The following CHRNA7 variants were observed in gnomAD, a reference collection of about 807,000 sequenced individuals.
CHRNA7 encodes cholinergic receptor nicotinic alpha 7 subunit.
In CHRNA7, 17 loss-of-function variants were observed where a neutral mutation model predicts 48.0. The ratio of observed to expected loss-of-function variants is 0.35; its 90% confidence interval spans 0.24 to 0.53. CHRNA7 has a LOEUF of 0.53. Ranked by LOEUF, CHRNA7 falls within the 20% of genes least tolerant of loss-of-function variation. The pLI, the probability that CHRNA7 is intolerant of heterozygous loss-of-function variation, is 0.92. For synonymous variants in CHRNA7, 75 were observed against 242.3 expected (o/e 0.31, Z 6.41); for missense variants, 155 against 577.7 (o/e 0.27, Z 7.50).
chr15:32,032,384 T>G (rs1196724093), intron 2 of CHRNA7, among the ~76,000 whole-genome samples: 1 of 152,070 alleles, frequency 6.6e-6, no homozygotes, highest in Non-Finnish European at 1.5e-5. Flanking sequence ...CTGTGTTGGT[T>G]TCTGGATGGC....
chr15:32,069,043 A>G (rs2050012475), intron 2 of CHRNA7, among the ~76,000 whole-genome samples: 1 of 152,192 alleles, frequency 6.6e-6, no homozygotes, highest in African/African-American at 2.4e-5. Flanking sequence ...CTTGTGTATA[A>G]TTTTAAAACA....
intron 3 of CHRNA7, 134 bp from the exon 4 acceptor site, chr15:32,111,656 T>C (rs1257255049): frequency 8.5e-6 from 5 of 586,854 alleles, no homozygotes; most frequent in Non-Finnish European, 1.5e-5. Context: ...ATTTTCATTA[T>C]ATTTTATAAA....
rs556206602 is a variant in CHRNA7, at chr15:32,096,275, T to G, written c.196-5028T>G. ...TCGTCAATACCTGATACCTGATATT[T>G]ATTGATATCCTCTTGGTAAAGTACT... On this transcript the variant is annotated intron_variant, in intron 2 of 9. Coordinates refer to ENST00000306901, the MANE Select transcript of CHRNA7 (RefSeq NM_000746.6). 2.6e-5 allele frequency among the ~76,000 whole-genome samples: 4 copies of G among 152,354 alleles called. No homozygotes were observed. In the South Asian group the frequency reaches 8.3e-4, roughly 32 times the overall value.
chr15:32,044,445 T>C (rs932343023), intron 2 of CHRNA7, among the ~76,000 whole-genome samples: 25 of 152,032 alleles, frequency 1.6e-4, no homozygotes, highest in Non-Finnish European at 1.5e-5. Flanking sequence ...GCCTGGCTAA[T>C]TTTTGTATTT....
At chr15:32,111,662 A>T in intron 3 of CHRNA7, 128 bp from the exon 4 acceptor site, 1 of 594,936 alleles carries the variant, frequency 1.7e-6, no homozygotes, top group Non-Finnish European at 3.0e-6. Flanking sequence ...ATTATATTTT[A>T]TAAATAGCAA....
chr15:32,107,603 G>T (rs191393288), intron 3 of CHRNA7, among the ~76,000 whole-genome samples: 31 of 152,234 alleles, frequency 2.0e-4, no homozygotes, highest in Admixed American at 1.4e-3. Flanking sequence ...AGGTTTATTG[G>T]CTTATTCTAA....
chr15:32,084,458 A>G (rs1321349655), intron 2 of CHRNA7, among the ~76,000 whole-genome samples: 1 of 152,236 alleles, frequency 6.6e-6, no homozygotes, highest in Non-Finnish European at 1.5e-5. Flanking sequence ...GAGCACATAC[A>G]GTCTCAGAAC....
intron 2 of CHRNA7, among the ~76,000 whole-genome samples, chr15:32,043,539 G>A (rs1280973942): frequency 6.6e-6 from 1 of 151,830 alleles, no homozygotes; most frequent in Admixed American, 6.6e-5. Context: ...TTGTCTTACA[G>A]TGGTTGATCT....
At chr15:32,076,277 A>G (rs897491656) in intron 2 of CHRNA7, among the ~76,000 whole-genome samples, 10 of 152,210 alleles carry the variant, frequency 6.6e-5, no homozygotes, top group African/African-American at 2.2e-4. Flanking sequence ...ATCTCCAGCT[A>G]TAATTGTGGA....
chr15:32,152,400 G>T (rs1220194236), intron 4 of CHRNA7, among the ~76,000 whole-genome samples: 2 of 152,132 alleles, frequency 1.3e-5, no homozygotes, highest in Non-Finnish European at 2.9e-5. Context: ...CCGAGATCGT[G>T]CCCCTGCACT....
chr15:32,146,546 C>A (rs1160741907), intron 4 of CHRNA7, among the ~76,000 whole-genome samples: 3 of 152,050 alleles, frequency 2.0e-5, no homozygotes, highest in African/African-American at 7.2e-5. Flanking sequence ...ATATCTGATA[C>A]AAAACAAGAT....
intron 4 of CHRNA7, among the ~76,000 whole-genome samples, chr15:32,148,375 G>C (rs540754878): frequency 2.0e-5 from 3 of 152,286 alleles, no homozygotes; most frequent in East Asian, 1.9e-4. Context: ...TTTCTCTGTG[G>C]AGGCACAATC....
chr15:32,086,682 C>G lies in CHRNA7; in HGVS notation c.196-14621C>G, dbSNP rs995380491. 3.9e-5 allele frequency among the ~76,000 whole-genome samples: 6 copies of G among 152,164 alleles called. No individual in the cohort carries two copies. In the East Asian group the frequency reaches 7.7e-4, roughly 20 times the overall value. ...AGTCCTTGTGTCTTTTTAGGCTCCT[C>G]TTCATTGTAACAGTTTTTCAGCCTT... On this transcript the variant is annotated intron_variant, in intron 2 of 9. Coordinates refer to ENST00000306901, the MANE Select transcript of CHRNA7 (RefSeq NM_000746.6).
At chr15:32,050,005 C>G (rs1392065824) in intron 2 of CHRNA7, among the ~76,000 whole-genome samples, 1 of 152,152 alleles carries the variant, frequency 6.6e-6, no homozygotes, top group African/African-American at 2.4e-5. Context: ...GAGTTTCTGC[C>G]GAGAGATCCG....
chr15:32,047,817 T>C (rs2049582197), intron 2 of CHRNA7, among the ~76,000 whole-genome samples: 1 of 152,228 alleles, frequency 6.6e-6, no homozygotes, highest in African/African-American at 2.4e-5. Context: ...TTGTCATAGA[T>C]AGCTCTTATT....
chr15:32,098,396 G>C lies in CHRNA7; in HGVS notation c.196-2907G>C, dbSNP rs552017954. 2.6e-5 allele frequency among the ~76,000 whole-genome samples: 4 copies of C among 152,302 alleles called. No individual in the cohort carries two copies. The South Asian group carries it at 8.3e-4, about 32-fold the overall frequency. On this transcript the variant is annotated intron_variant, in intron 2 of 9. Coordinates refer to ENST00000306901, the MANE Select transcript of CHRNA7 (RefSeq NM_000746.6). ...TTGCCAGCCGGTCAAGGTCTTATAG[G>C]AGAAGACACGGCACCTGCAGACCTA...
intron 4 of CHRNA7, among the ~76,000 whole-genome samples, chr15:32,141,564 C>G (rs1007054216): frequency 2.6e-5 from 4 of 152,092 alleles, no homozygotes; most frequent in African/African-American, 9.7e-5. Context: ...GCATGGAATG[C>G]TCTTCCATTT....
intron 2 of CHRNA7, among the ~76,000 whole-genome samples, chr15:32,069,979 C>T (rs921626915): frequency 6.6e-6 from 1 of 152,016 alleles, no homozygotes; most frequent in South Asian, 2.1e-4. Context: ...TTCCCCCCGC[C>T]CACTAGATTT....
At chr15:32,055,536 A>G (rs2049772027) in intron 2 of CHRNA7, among the ~76,000 whole-genome samples, 1 of 152,208 alleles carries the variant, frequency 6.6e-6, no homozygotes, top group South Asian at 2.1e-4. Context: ...TGCTCCCTTC[A>G]TAATGAACCC....
Sources: gnomAD v4.1 joint callset for allele counts (sites outside exome capture counted in the v4.1 genomes callset) on GRCh38, gnomAD v4.1.1 for gene constraint, MANE v1.5 for transcripts, NCBI Gene and HGNC (gene_info 2026-07-23, HGNC 2026-07-21) for gene names.